Variants in WWC2 observed in about 807,000 individuals in gnomAD.
WWC2 encodes protein WWC2.
In WWC2, 101 loss-of-function variants were observed where a neutral mutation model predicts 138.5. That is an observed-to-expected ratio of 0.73 (90% CI 0.62 to 0.86). The LOEUF is 0.86. Among genes scored for constraint, WWC2 ranks in the 40% least tolerant of loss-of-function variants. WWC2 has a pLI of 0.00. For synonymous variants in WWC2, 558 were observed against 538.4 expected (o/e 1.04, Z -0.50); for missense variants, 1,420 against 1,419.4 (o/e 1.00, Z -0.01).
chr4:183,114,728 A>G (rs1732357453), intron 1 of WWC2, among the ~76,000 whole-genome samples: 1 of 151,940 alleles, frequency 6.6e-6, no homozygotes, highest in Admixed American at 6.6e-5. Context: ...GGATTTGTTA[A>G]TGTGGGTAGA....
chr4:183,218,173 A>G (rs577520734), intron 4 of WWC2, among the ~76,000 whole-genome samples: 2 of 152,326 alleles, frequency 1.3e-5, no homozygotes, highest in South Asian at 4.1e-4. Context: ...TTTAAATTGA[A>G]GGCAAAACAG....
In WWC2 at chr4:183,249,939, C is replaced by T; in HGVS notation, c.899C>T (p.Ser300Leu). ...CACTAGATTGGAGTAAGAAGTAGAT[C>T]AAATTTAGCTGAAAAGGTCAGGCTA... Reference protein sequence around the residue: ...ISGDIGVRSRSNLAEKVRLSL... With the variant: ...ISGDIGVRSRLNLAEKVRLSL... Residue 300 changes from serine to leucine, a missense_variant, in exon 8 of 23, where the codon TCA (serine) becomes TTA (leucine). Ser to Leu is a moderately radical substitution (Grantham distance 145). Coordinates refer to ENST00000403733, the MANE Select transcript of WWC2 (RefSeq NM_024949.6). The T allele has an allele frequency of 3.7e-6, 6 of 1,613,450 alleles. No homozygotes were observed. The highest frequency in any genetic ancestry group is 5.1e-6 in the Non-Finnish European group (6 of 1,179,700).
At chr4:183,297,825 A>G (rs1222776320) in intron 21 of WWC2, among the ~76,000 whole-genome samples, 1 of 152,264 alleles carries the variant, frequency 6.6e-6, no homozygotes, top group Non-Finnish European at 1.5e-5. Context: ...CCTTGGGACC[A>G]GCACCCAAAG....
chr4:183,117,215 CTTTTTTTTTTT>C (rs923478529), intron 1 of WWC2, among the ~76,000 whole-genome samples: 54 of 95,674 alleles, frequency 5.6e-4, no homozygotes, highest in African/African-American at 1.6e-3. Context: ...CATTCTTCTT[CTTTTTTTTTTT>C]TTTTTTTTTT....
intron 1 of WWC2, among the ~76,000 whole-genome samples, chr4:183,124,127 A>G (rs1406093049): frequency 2.0e-5 from 3 of 152,208 alleles, no homozygotes; most frequent in African/African-American, 4.8e-5. Flanking sequence ...AGCCATATAG[A>G]TACCCAAACA....
chr4:183,164,337 AC>A (rs1183109002), intron 1 of WWC2, among the ~76,000 whole-genome samples: 21 of 630 alleles, frequency 0.033, 1 homozygote, highest in African/African-American at 0.094. Flanking sequence ...ATATATATAT[AC>A]ATATATATAT....
At chr4:183,119,083 G>T (rs1285383647) in intron 1 of WWC2, among the ~76,000 whole-genome samples, 1 of 152,008 alleles carries the variant, frequency 6.6e-6, no homozygotes, top group East Asian at 1.9e-4. Context: ...ATTTGATTCT[G>T]TTGTGTGATT....
intron 1 of WWC2, among the ~76,000 whole-genome samples, chr4:183,102,370 C>T (rs895080174): frequency 2.6e-5 from 4 of 152,162 alleles, no homozygotes; most frequent in Non-Finnish European, 4.4e-5. Flanking sequence ...AGTATTTACT[C>T]AGTGTGTATT....
rs966962907 is a variant in WWC2 at position 183,231,148 on chromosome 4, A to G, written c.523-9035A>G. On this transcript the variant is annotated intron_variant, in intron 4 of 22. Coordinates refer to ENST00000403733, the MANE Select transcript of WWC2 (RefSeq NM_024949.6). ...ATACAGCAACATTTTAAAATTATAT[A>G]TAATAGCTAAGGTGGGCTTATCCTA... Among the ~76,000 whole-genome samples, 10 of 152,076 alleles carry G rather than the reference A, an allele frequency of 6.6e-5. No individual in the cohort carries two copies. The East Asian group carries it at 1.7e-3, about 27-fold the overall frequency.
At chr4:183,226,089 T>C (rs867651219) in intron 4 of WWC2, among the ~76,000 whole-genome samples, 4 of 133,568 alleles carry the variant, frequency 3.0e-5, no homozygotes, top group African/African-American at 1.6e-4. Context: ...TCTTTTCTTT[T>C]CTTTTCTTTT....
At chr4:183,101,920 A>C (rs959231031) in intron 1 of WWC2, among the ~76,000 whole-genome samples, 5 of 152,212 alleles carry the variant, frequency 3.3e-5, no homozygotes, top group Non-Finnish European at 5.9e-5. Context: ...GTTAAGGAAA[A>C]GAATTTTGTG....
chr4:183,134,729 C>G (rs1733056188), intron 1 of WWC2, among the ~76,000 whole-genome samples: 1 of 152,114 alleles, frequency 6.6e-6, no homozygotes, highest in Non-Finnish European at 1.5e-5. Context: ...AAACTTAGAA[C>G]TATGACATCT....
chr4:183,244,799 G>A (rs923424404), intron 5 of WWC2, among the ~76,000 whole-genome samples: 1 of 152,098 alleles, frequency 6.6e-6, no homozygotes, highest in Non-Finnish European at 1.5e-5. Flanking sequence ...ATTTGCCCAC[G>A]TCTTTTACCT....
In WWC2 at chr4:183,259,630, TC is replaced by T; in HGVS notation, c.1197-8del. 6.6e-7 allele frequency: 1 copy of T among 1,508,348 alleles called. No homozygotes were observed. Among genetic ancestry groups the T allele is most frequent in the Non-Finnish European group, 8.9e-7 (1 of 1,127,220 alleles). The allele number at this position is 1,508,348 out of a possible 1,614,324, so 93.4% of individuals were successfully genotyped here. ...ATAATCATTTGAAAATAATTTTTTT[TC>T]TTCCTAGATTGAGATTGGAAGAGAG... is the stretch of plus-strand genomic sequence containing the variant. On this transcript the variant is annotated splice_region_variant and splice_polypyrimidine_tract_variant and intron_variant, in intron 9 of 22. Transcript: ENST00000403733.
intron 6 of WWC2, among the ~76,000 whole-genome samples, chr4:183,246,410 T>G (rs1262656418): frequency 6.6e-6 from 1 of 152,236 alleles, no homozygotes; most frequent in Non-Finnish European, 1.5e-5. Context: ...AAATACCATA[T>G]TTAACTACTT....
Position 183,315,855 on chromosome 4 carries a change from A to C in WWC2, c.*126A>C. 2 of 650,630 alleles carry C rather than the reference A, an allele frequency of 3.1e-6. No homozygotes were observed. The highest frequency in any genetic ancestry group is 4.3e-5 in the South Asian group (2 of 46,838). The allele number at this position is 650,630 out of a possible 1,614,324, so 40.3% of individuals were successfully genotyped here. On this transcript the variant is annotated 3_prime_UTR_variant, in exon 23 of 23. Transcript: ENST00000403733. ...TAACGTAACTGTCAACTCTTGAAGA[A>C]CTTTTATTTCACATCAGATTTTCAA...
intron 1 of WWC2, among the ~76,000 whole-genome samples, chr4:183,144,497 T>C (rs1368662404): frequency 7.2e-5 from 11 of 152,186 alleles, no homozygotes; most frequent in Admixed American, 7.2e-4. Context: ...TGCTAAGAGA[T>C]TAGTACTAAA....
At chr4:183,267,416 A>G (rs1189738985) in intron 14 of WWC2, among the ~76,000 whole-genome samples, 1 of 152,216 alleles carries the variant, frequency 6.6e-6, no homozygotes, top group Non-Finnish European at 1.5e-5. Flanking sequence ...TCTCCCTACC[A>G]GTAGATAAGC....
chr4:183,295,834 C>T (rs1580160214), intron 21 of WWC2, among the ~76,000 whole-genome samples: 1 of 152,116 alleles, frequency 6.6e-6, no homozygotes, highest in Non-Finnish European at 1.5e-5. Context: ...CCCTATCTAC[C>T]GACCTATCAT....
Sources: allele counts gnomAD v4.1 joint callset (sites outside exome capture counted in the v4.1 genomes callset), GRCh38; gene constraint gnomAD v4.1.1; transcripts MANE v1.5; gene names NCBI Gene and HGNC (gene_info 2026-07-23, HGNC 2026-07-21).